Variants in HUWE1 observed in about 807,000 individuals in gnomAD.
HUWE1 encodes the protein E3 ubiquitin-protein ligase HUWE1.
A neutral mutation model predicts 299.4 loss-of-function variants in HUWE1; 18 were observed. The observed-to-expected ratio is 0.06, with a 90% CI of 0.04 to 0.09. The LOEUF is 0.09. HUWE1 is among the 10% of genes least tolerant of loss of function. The pLI is 1.00. For missense variants in HUWE1, 1,832 were observed against 3,462.3 expected, an observed-to-expected ratio of 0.53 and a Z score of 11.82; for synonymous variants, 1,317 against 1,286.1, an observed-to-expected ratio of 1.02 and a Z score of -0.51.
chrX:53,609,983 A>G (rs2065358079), intron 23 of HUWE1, among the ~76,000 whole-genome samples: 2 of 112,098 alleles, frequency 1.8e-5, no homozygotes, highest in African/African-American at 6.5e-5. Context: ...AGGTTTGGGT[A>G]GGATGTTGTG....
chrX:53,590,786 G>T (rs782616146), intron 34 of HUWE1, among the ~76,000 whole-genome samples: 1 of 112,320 alleles, frequency 8.9e-6, no homozygotes, highest in Non-Finnish European at 1.9e-5. Context: ...ATTGTTTTGT[G>T]ACTGGGGGTT....
chrX:53,545,985 G>A (rs1486898539), intron 70 of HUWE1, among the ~76,000 whole-genome samples: 1 of 111,399 alleles, frequency 9.0e-6, no homozygotes, highest in African/African-American at 3.3e-5. Flanking sequence ...ATTTGTAACT[G>A]TTCTTAGAAT....
chrX:53,618,566 T>G (rs886954195), intron 19 of HUWE1, among the ~76,000 whole-genome samples: 10 of 90,581 alleles, frequency 1.1e-4, no homozygotes, highest in South Asian at 4.8e-4. Flanking sequence ...AAGAATTTTC[T>G]TTTTTTTTTT....
At chrX:53,654,652 G>A (rs782627194) in intron 3 of HUWE1, among the ~76,000 whole-genome samples, 5 of 111,815 alleles carry the variant, frequency 4.5e-5, no homozygotes, top group African/African-American at 1.6e-4. Flanking sequence ...TCCAAAATAC[G>A]ACTGGTTTAA....
At chrX:53,542,959 T>G (rs1005112908) in intron 73 of HUWE1, 1 of 131,178 alleles carries the variant, frequency 7.6e-6, no homozygotes, top group Non-Finnish European at 1.5e-5. Flanking sequence ...AAAGGGGAAA[T>G]AATAGGAGAA....
intron 6 of HUWE1, 30 bp from the exon 7 acceptor site, chrX:53,645,493 G>C: frequency 2.5e-6 from 3 of 1,199,704 alleles, no homozygotes; most frequent in Non-Finnish European, 1.1e-6. Context: ...CAAAGCTCAA[G>C]GTATCAGGCA....
chrX:53,621,499 C>T, intron 19 of HUWE1, among the ~76,000 whole-genome samples: 1 of 107,416 alleles, frequency 9.3e-6, no homozygotes, highest in South Asian at 4.2e-4. Flanking sequence ...CATACCAAAG[C>T]ATCCTAGATG....
chrX:53,570,586 C>CA (rs1267231113), intron 47 of HUWE1, among the ~76,000 whole-genome samples: 1 of 112,159 alleles, frequency 8.9e-6, no homozygotes, highest in Non-Finnish European at 1.9e-5. Context: ...AACTAATATG[C>CA]AAAAATATTT....
In HUWE1 at chrX:53,594,745, GAAT is replaced by G. The variant is rs1302375767; in HGVS notation, c.3381-127_3381-125del. ...GAAGTGACACCTCCCACCTACTAAA[GAAT>G]ACAGGATGAGTATCCCTATCAGAAA... is the stretch of plus-strand genomic sequence containing the variant. On this transcript the variant is annotated intron_variant, in intron 30 of 83. Coordinates refer to ENST00000262854, the MANE Select transcript of HUWE1 (RefSeq NM_031407.7). 5 of 665,365 alleles carry G rather than the reference GAAT, an allele frequency of 7.5e-6. No homozygotes were observed. In the African/African-American group the frequency reaches 1.1e-4, roughly 15 times the overall value. The allele number at this position is 665,365 out of a possible 1,213,427, so 54.8% of individuals were successfully genotyped here. A position where few individuals can be genotyped will look rare whatever the true frequency, so the allele number is the denominator to read the frequency against.
At chrX:53,647,331 G>A in intron 6 of HUWE1, 37 bp downstream of exon 6, 3 of 1,002,157 alleles carry the variant, frequency 3.0e-6, no homozygotes, top group Non-Finnish European at 4.3e-6. Context: ...CACAATTCTA[G>A]TCAAGAACAG....
chrX:53,614,726 T>G lies in HUWE1; in HGVS notation c.2069A>C (p.Asn690Thr). The change falls in exon 23 of 84, where the codon AAT becomes ACT. Residue 690 changes from asparagine to threonine, a missense_variant. By Grantham distance (65) the Asn-to-Thr change is moderately conservative. Transcript: ENST00000262854. ...AIIKLLEEIC[N>T]LGRDPKYICQ... ...GATGTATTTGGGGTCCCTTCCAAGATTACAGATTTCTTCAAGTAACTGAAA... is the reference window on the plus strand; with the variant it reads ...GATGTATTTGGGGTCCCTTCCAAGAGTACAGATTTCTTCAAGTAACTGAAA... The G allele has an allele frequency of 5.0e-6, 6 of 1,199,340 alleles. No individual in the cohort carries two copies. Among genetic ancestry groups the G allele is most frequent in the Non-Finnish European group, 6.8e-6 (6 of 884,696 alleles).
chrX:53,593,393 C>A lies in HUWE1; in HGVS notation c.3712G>T (p.Ala1238Ser), dbSNP rs371644969. The change falls in exon 32 of 84, where the codon GCA (alanine) becomes TCA (serine). Residue 1238 changes from alanine (A) to serine (S), a missense_variant. Transcript: ENST00000262854. ...TGAGTTACCACAAGGAAGCGCAGTGCACTGAACTGGGGAAAGTTCTGGACA... is the reference window on the plus strand; with the variant it reads ...TGAGTTACCACAAGGAAGCGCAGTGAACTGAACTGGGGAAAGTTCTGGACA... The part of the protein sequence containing the change: ...GGVQNFPQFS[A>S]LRFLVVTQKA... The A allele has an allele frequency of 7.5e-6, 9 of 1,204,275 alleles. No homozygotes were observed. Among genetic ancestry groups the A allele is most frequent in the Non-Finnish European group, 5.6e-6 (5 of 888,697 alleles).
At chrX:53,624,959 A>C (rs934035807) in intron 18 of HUWE1, among the ~76,000 whole-genome samples, 198 bp downstream of exon 18, 1 of 112,274 alleles carries the variant, frequency 8.9e-6, no homozygotes, top group Non-Finnish European at 1.9e-5. Flanking sequence ...GGGGAAAAAA[A>C]GGGTAAATCA....
chrX:53,586,227 T>C (rs1332366335), intron 39 of HUWE1, among the ~76,000 whole-genome samples: 1 of 112,021 alleles, frequency 8.9e-6, no homozygotes, highest in Non-Finnish European at 1.9e-5. Context: ...CTAAGGAGTG[T>C]TTGCTTTTTG....
chrX:53,631,219 T>C (rs1398511305), intron 11 of HUWE1, among the ~76,000 whole-genome samples, 185 bp from the exon 12 acceptor site: 5 of 111,720 alleles, frequency 4.5e-5, no homozygotes, highest in African/African-American at 1.6e-4. Context: ...CAAACTCTCA[T>C]AAGGCCTAGG....
chrX:53,568,682 A>G lies in HUWE1; in HGVS notation c.6707+10T>C, dbSNP rs1774864915. On this transcript the variant is annotated intron_variant, in intron 49 of 83. Coordinates refer to ENST00000262854, the MANE Select transcript of HUWE1 (RefSeq NM_031407.7). ...AGAAGGAAAAGCCTGGGGCTGGGGC[A>G]TGATTTTACCTGGACAGGTCTAAGC... 1.7e-6 allele frequency: 2 copies of G among 1,205,714 alleles called. No individual in the cohort carries two copies. Among genetic ancestry groups the G allele is most frequent in the Middle Eastern group, 2.3e-4 (1 of 4,334 alleles).
At chrX:53,621,979 T>C (rs1360546618) in intron 19 of HUWE1, among the ~76,000 whole-genome samples, 9 of 109,477 alleles carry the variant, frequency 8.2e-5, no homozygotes, top group Admixed American at 4.8e-4. Context: ...GAGAGGGGAG[T>C]TGGGGAAGTT....
chrX:53,673,310 C>T (rs1202996326), intron 3 of HUWE1, among the ~76,000 whole-genome samples: 3 of 111,387 alleles, frequency 2.7e-5, no homozygotes, highest in Admixed American at 9.5e-5. Context: ...TAAGTATCTC[C>T]TATCCAGTGC....
At position 53,617,081 on chromosome X, in the gene HUWE1, G is replaced by C; in HGVS notation, c.1846C>G (p.Arg616Gly). 1 of 1,209,428 alleles carries C rather than the reference G, an allele frequency of 8.3e-7. No homozygotes were observed. The highest frequency in any genetic ancestry group is 1.1e-6 in the Non-Finnish European group (1 of 893,570). Residue 616 changes from arginine to glycine, a missense_variant, in exon 21 of 84, where the codon CGA becomes GGA. By Grantham distance (125) the Arg-to-Gly change is moderately radical. Coordinates refer to ENST00000262854, the MANE Select transcript of HUWE1 (RefSeq NM_031407.7). ...CACTGAACAAAAGACTGAAGACCTC[G>C]GGCATTCAAACAGAGTGCACTGAAT... Reference protein sequence around the residue: ...NVFSALCLNARGLQSFVQCQP... With the variant: ...NVFSALCLNAGGLQSFVQCQP...
Sources: allele counts gnomAD v4.1 joint callset (sites outside exome capture counted in the v4.1 genomes callset), GRCh38; gene constraint gnomAD v4.1.1; transcripts MANE v1.5; gene names NCBI Gene and HGNC (gene_info 2026-07-23, HGNC 2026-07-21).